ALK: variants seen among roughly 807,000 people sequenced by gnomAD.
ALK encodes ALK receptor tyrosine kinase.
Under a neutral mutation model 163.1 loss-of-function variants are expected in ALK, and 74 were observed. The ratio of observed to expected loss-of-function variants is 0.45; its 90% CI spans 0.38 to 0.55. The LOEUF (loss-of-function observed/expected upper bound fraction) is 0.55. ALK is among the 20% of genes least tolerant of loss of function. The pLI, the probability that ALK is intolerant of heterozygous loss-of-function variation, is 0.00. For synonymous variants in ALK, 960 were observed against 843.2 expected (o/e 1.14, Z -2.40); for missense variants, 2,063 against 2,105.3 (o/e 0.98, Z 0.39).
chr2:29,677,110 G>A (rs1677896122), intron 3 of ALK, among the ~76,000 whole-genome samples: 1 of 151,600 alleles, frequency 6.6e-6, no homozygotes, highest in African/African-American at 2.4e-5. Flanking sequence ...TTTCCAATCT[G>A]TATATCTGTA....
chr2:29,262,747 C>A (rs1665119988), intron 11 of ALK, among the ~76,000 whole-genome samples: 2 of 152,226 alleles, frequency 1.3e-5, no homozygotes, highest in East Asian at 3.8e-4. Context: ...ATCAACAGGG[C>A]AGCAAGCTGG....
At chr2:29,786,493 T>A (rs537672998) in intron 1 of ALK, among the ~76,000 whole-genome samples, 1 of 152,170 alleles carries the variant, frequency 6.6e-6, no homozygotes, top group African/African-American at 2.4e-5. Flanking sequence ...TATACCTAGA[T>A]GTGTGTTAAG....
At chr2:29,584,610 C>T (rs1435890921) in intron 3 of ALK, among the ~76,000 whole-genome samples, 3 of 152,204 alleles carry the variant, frequency 2.0e-5, no homozygotes, top group African/African-American at 7.2e-5. Context: ...GTCTCACACT[C>T]ACAGGAATAC....
chr2:29,608,527 G>C (rs1405086619), intron 3 of ALK, among the ~76,000 whole-genome samples: 2 of 152,154 alleles, frequency 1.3e-5, no homozygotes, highest in Non-Finnish European at 1.5e-5. Context: ...TCAGACACCT[G>C]GTCATTTGTT....
intron 11 of ALK, among the ~76,000 whole-genome samples, chr2:29,268,515 G>A (rs1394786964): frequency 6.6e-6 from 1 of 152,130 alleles, no homozygotes; most frequent in African/African-American, 2.4e-5. Flanking sequence ...AGAGCCCCAG[G>A]CCCCTGCATA....
In ALK at chr2:29,246,559, TG is replaced by T. The variant is rs1430564264; in HGVS notation, c.2204+4545del. 6.6e-6 allele frequency among the ~76,000 whole-genome samples: 1 copy of T among 152,182 alleles called. No homozygotes were observed. The highest frequency in any genetic ancestry group is 1.5e-5 in the Non-Finnish European group (1 of 68,028). On this transcript the variant is annotated intron_variant, in intron 12 of 28. Transcript: ENST00000389048. The surrounding 1 kb of genome is among the most constrained non-coding windows in gnomAD (Gnocchi z 4.3). ...ATCAGGGCCCCTCTCGCTGCTGCCC[TG>T]GCCTTGCCTGTTCTCAGCCAAGCTC...
At chr2:29,244,424 G>A (rs1216300351) in intron 12 of ALK, among the ~76,000 whole-genome samples, 6 of 152,218 alleles carry the variant, frequency 3.9e-5, no homozygotes, top group African/African-American at 1.4e-4. Flanking sequence ...CCAGATAGGA[G>A]TCAGGGTTGA....
At chr2:29,805,763 T>C (rs1266259596) in intron 1 of ALK, among the ~76,000 whole-genome samples, 2 of 152,222 alleles carry the variant, frequency 1.3e-5, no homozygotes, top group African/African-American at 4.8e-5. Flanking sequence ...TTTAGGTTGA[T>C]TCCATGTCTT....
At chr2:29,339,800 C>A (rs1321325915) in intron 5 of ALK, among the ~76,000 whole-genome samples, 1 of 152,076 alleles carries the variant, frequency 6.6e-6, no homozygotes, top group African/African-American at 2.4e-5. Context: ...TAGGGTGGGA[C>A]CAGGGCTGTC....
At chr2:29,204,300 G>A (rs1449927465) in intron 26 of ALK, among the ~76,000 whole-genome samples, 1 of 152,198 alleles carries the variant, frequency 6.6e-6, no homozygotes, top group Non-Finnish European at 1.5e-5. Flanking sequence ...CTGAATCTCT[G>A]TTTTCTATTC....
chr2:29,627,679 G>A (rs886317278), intron 3 of ALK, among the ~76,000 whole-genome samples: 2 of 152,228 alleles, frequency 1.3e-5, no homozygotes, highest in African/African-American at 4.8e-5. Flanking sequence ...GGAGATGGGG[G>A]TGGGAGGATG....
chr2:29,359,114 A>AAG (rs397705202), intron 5 of ALK, among the ~76,000 whole-genome samples: 5 of 151,400 alleles, frequency 3.3e-5, no homozygotes, highest in African/African-American at 1.2e-4. Context: ...AAAAAAAAAA[A>AAG]CTAAAAAAGA....
intron 1 of ALK, among the ~76,000 whole-genome samples, chr2:29,899,220 T>G (rs896948678): frequency 6.6e-6 from 1 of 152,206 alleles, no homozygotes; most frequent in Non-Finnish European, 1.5e-5. Context: ...TGAATTGTGT[T>G]CTTTTCTCTA....
At chr2:29,614,157 G>A (rs922354112) in intron 3 of ALK, among the ~76,000 whole-genome samples, 1 of 152,106 alleles carries the variant, frequency 6.6e-6, no homozygotes, top group African/African-American at 2.4e-5. Context: ...CTTCTCTCGG[G>A]TCCTCGGATG....
rs1573160689 is a variant in ALK, at chr2:29,251,230, G to A, written c.2079C>T (p.Pro693=). 1.2e-6 allele frequency: 2 copies of A among 1,614,008 alleles called. No homozygotes were observed. Among genetic ancestry groups the A allele is most frequent in the African/African-American group, 2.7e-5 (2 of 75,048 alleles). The stretch of plus-strand genomic sequence containing the variant: ...TGCACTGTGCCTGGGTGGGGCCATG[G>A]GGCCCGCTGGCCCCACATGTGGTGA... ...WLFTTCGASG[P]HGPTQAQCNN... Residue 693 remains proline, a synonymous_variant, in exon 12 of 29, where the codon CCC becomes CCT. Coordinates refer to ENST00000389048, the MANE Select transcript of ALK (RefSeq NM_004304.5).
chr2:29,235,505 G>C (rs538933702), intron 13 of ALK, among the ~76,000 whole-genome samples: 265 of 152,216 alleles, frequency 1.7e-3, no homozygotes, highest in African/African-American at 5.7e-3. Flanking sequence ...CTATTGTAGA[G>C]AGCTGGCATT....
intron 15 of ALK, among the ~76,000 whole-genome samples, chr2:29,231,941 A>G (rs112004587): frequency 0.017 from 2,560 of 152,240 alleles, 82 homozygotes; most frequent in African/African-American, 0.059. Flanking sequence ...GAGGCCTGAC[A>G]TTGCCCAGAT....
At chr2:29,288,340 T>C (rs1035276781) in intron 9 of ALK, among the ~76,000 whole-genome samples, 2 of 152,206 alleles carry the variant, frequency 1.3e-5, no homozygotes, top group African/African-American at 4.8e-5. Context: ...GGTTTTTCAC[T>C]TGGGTCCTGA....
At chr2:29,869,134 C>G (rs574938928) in intron 1 of ALK, among the ~76,000 whole-genome samples, 1 of 152,160 alleles carries the variant, frequency 6.6e-6, no homozygotes, top group African/African-American at 2.4e-5. Flanking sequence ...TTCACTGTAC[C>G]CTTTTCAAAT....
Sources: allele counts gnomAD v4.1 joint callset (sites outside exome capture counted in the v4.1 genomes callset), GRCh38; gene constraint gnomAD v4.1.1; non-coding constraint Gnocchi (gnomAD v3.1); transcripts MANE v1.5; gene names NCBI Gene and HGNC (gene_info 2026-07-23, HGNC 2026-07-21).